SNX30: variants seen among roughly 807,000 people sequenced by gnomAD.
SNX30 encodes sorting nexin-30.
SNX30 carries 24 observed loss-of-function variants against 46.4 expected under a neutral mutation model. The ratio of observed to expected loss-of-function variants is 0.52; its 90% CI spans 0.37 to 0.73. SNX30 has a LOEUF of 0.73. Among genes scored for constraint, SNX30 ranks in the 30% least tolerant of loss-of-function variants. The pLI is 0.00. For missense variants in SNX30, 533 were observed against 555.7 expected (o/e 0.96, Z 0.41); for synonymous variants, 189 against 211.5 (o/e 0.89, Z 0.92).
chr9:112,769,803 A>G (rs1440355177), intron 1 of SNX30, among the ~76,000 whole-genome samples: 1 of 152,074 alleles, frequency 6.6e-6, no homozygotes, highest in Non-Finnish European at 1.5e-5. Flanking sequence ...CCTGTCTCCC[A>G]CTGCCTTCTT....
chr9:112,822,450 T>C (rs928969595), intron 3 of SNX30, among the ~76,000 whole-genome samples: 1 of 152,116 alleles, frequency 6.6e-6, no homozygotes, highest in Non-Finnish European at 1.5e-5. Flanking sequence ...GATAGGCTTG[T>C]ATGTACCCCT....
At chr9:112,765,281 T>C (rs1839518099) in intron 1 of SNX30, among the ~76,000 whole-genome samples, 1 of 152,196 alleles carries the variant, frequency 6.6e-6, no homozygotes, top group Non-Finnish European at 1.5e-5. Context: ...ATGTATGCCT[T>C]TTACAAATTG....
Position 112,838,523 on chromosome 9 carries a change from CG to C in SNX30, c.843del (p.Pro282LeufsTer31). Reference sequence around the variant, plus strand: ...AGTACCTTGTGGAGCTGAGAGAATACGGGCCTGTGTACTCCACATGGAGCGC... The same window carrying C: ...AGTACCTTGTGGAGCTGAGAGAATACGGCCTGTGTACTCCACATGGAGCGC... Reference protein sequence around the residue: ...IEYLVELREYGPVYSTWSALE... With the variant: ...IEYLVELREYXPVYSTWSALE... On this transcript the variant is annotated frameshift_variant, in exon 6 of 9. Coordinates refer to ENST00000374232, the MANE Select transcript of SNX30 (RefSeq NM_001012994.2). LOFTEE classifies it high-confidence loss of function. 1 of 1,612,954 alleles carries C rather than the reference CG, an allele frequency of 6.2e-7. No individual in the cohort carries two copies. The highest frequency in any genetic ancestry group is 8.5e-7 in the Non-Finnish European group (1 of 1,179,364).
intron 1 of SNX30, among the ~76,000 whole-genome samples, chr9:112,783,276 T>C (rs1564267506): frequency 6.6e-6 from 1 of 152,208 alleles, no homozygotes; most frequent in Non-Finnish European, 1.5e-5. Flanking sequence ...CTCTGCTTCT[T>C]ATTAGCTGAG....
intron 1 of SNX30, among the ~76,000 whole-genome samples, chr9:112,774,844 C>CCTTTTTTT (rs1839713736): frequency 7.8e-6 from 1 of 128,802 alleles, no homozygotes. Flanking sequence ...TATTTATATG[C>CCTTTTTTT]TTTTTTTTTT....
chr9:112,784,760 C>T (rs1304161215), intron 1 of SNX30, among the ~76,000 whole-genome samples: 3 of 152,208 alleles, frequency 2.0e-5, no homozygotes, highest in African/African-American at 7.2e-5. Context: ...AGAATCTAAA[C>T]CCGGGTCTCT....
intron 8 of SNX30, among the ~76,000 whole-genome samples, chr9:112,866,276 G>T (rs2131511250): frequency 1.3e-5 from 2 of 152,234 alleles, no homozygotes; most frequent in South Asian, 4.1e-4. Context: ...GCAGACTAAG[G>T]GTGGGAGGGG....
At chr9:112,762,201 G>T (rs1320459139) in intron 1 of SNX30, among the ~76,000 whole-genome samples, 1 of 152,122 alleles carries the variant, frequency 6.6e-6, no homozygotes, top group Non-Finnish European at 1.5e-5. Flanking sequence ...GCAGGGATCA[G>T]GAATTGTTGT....
chr9:112,796,359 T>C (rs2131394975), intron 1 of SNX30, among the ~76,000 whole-genome samples: 1 of 152,350 alleles, frequency 6.6e-6, no homozygotes, highest in African/African-American at 2.4e-5. Flanking sequence ...AACCAAGACA[T>C]GATGTTTATC....
At chr9:112,845,183 A>G (rs1198441374) in intron 6 of SNX30, among the ~76,000 whole-genome samples, 1 of 152,202 alleles carries the variant, frequency 6.6e-6, no homozygotes, top group African/African-American at 2.4e-5. Context: ...ATGACACTAA[A>G]ACGATTTTGA....
intron 6 of SNX30, among the ~76,000 whole-genome samples, chr9:112,849,848 A>C (rs906991628): frequency 3.3e-5 from 5 of 152,234 alleles, no homozygotes; most frequent in African/African-American, 1.2e-4. Context: ...AGAAACTTTC[A>C]TAGCAATTTA....
intron 2 of SNX30, among the ~76,000 whole-genome samples, chr9:112,810,968 C>T (rs147646403): frequency 1.4e-4 from 21 of 152,218 alleles, no homozygotes; most frequent in African/African-American, 4.6e-4. Flanking sequence ...TTGTGGAATG[C>T]GAGCAGCTCA....
rs774039332 is a variant in SNX30, at chr9:112,868,933, G to T, written c.*90G>T. The T allele has an allele frequency of 1.5e-4, 192 of 1,273,852 alleles. No individual in the cohort carries two copies. The highest frequency in any genetic ancestry group is 2.0e-4 in the Non-Finnish European group (173 of 873,608). 78.9% of individuals were successfully genotyped at this position (1,273,852 alleles called of 1,614,324 possible). On this transcript the variant is annotated 3_prime_UTR_variant, in exon 9 of 9. Transcript: ENST00000374232. ...CCTGCAGTGCCAGAGACGCAGTGCT[G>T]GGAAAACAACCACAGAAACATCTCT... is the stretch of plus-strand genomic sequence containing the variant.
chr9:112,759,922 T>G (rs1839410446), intron 1 of SNX30, among the ~76,000 whole-genome samples: 1 of 152,004 alleles, frequency 6.6e-6, no homozygotes, highest in African/African-American at 2.4e-5. Flanking sequence ...CGTAGAGTAG[T>G]GGGTGATGTA....
At chr9:112,776,222 G>A (rs908858744) in intron 1 of SNX30, among the ~76,000 whole-genome samples, 1 of 151,964 alleles carries the variant, frequency 6.6e-6, no homozygotes, top group Non-Finnish European at 1.5e-5. Context: ...CTGAGTTTTG[G>A]TCTGTCCTTT....
chr9:112,848,442 C>T (rs1165453647), intron 6 of SNX30, among the ~76,000 whole-genome samples: 1 of 152,130 alleles, frequency 6.6e-6, no homozygotes, highest in Non-Finnish European at 1.5e-5. Context: ...CAACCTTCAG[C>T]GTGGTTGGAT....
At position 112,773,450 on chromosome 9, in the gene SNX30, C is replaced by T. The variant is rs372462618; in HGVS notation, c.156+22293C>T. Among the ~76,000 whole-genome samples, 121 of 151,700 alleles carry T rather than the reference C, an allele frequency of 8.0e-4. 2 individuals carry two copies. In the South Asian group the frequency reaches 0.017, roughly 21 times the overall value. Reference sequence around the variant, plus strand: ...TGTCATTCAAGCTGGAGTGCAGTGGCGTGATTGTGGCTCACTGCAGCTTTG... The same window carrying T: ...TGTCATTCAAGCTGGAGTGCAGTGGTGTGATTGTGGCTCACTGCAGCTTTG... On this transcript the variant is annotated intron_variant, in intron 1 of 8. Coordinates refer to ENST00000374232, the MANE Select transcript of SNX30 (RefSeq NM_001012994.2).
chr9:112,848,389 G>T (rs1840971967), intron 6 of SNX30, among the ~76,000 whole-genome samples: 1 of 152,134 alleles, frequency 6.6e-6, no homozygotes, highest in Non-Finnish European at 1.5e-5. Flanking sequence ...CCCAATGAGG[G>T]TGGTGGTAGT....
intron 1 of SNX30, among the ~76,000 whole-genome samples, chr9:112,758,102 G>A (rs1839379331): frequency 6.6e-6 from 1 of 152,070 alleles, no homozygotes; most frequent in South Asian, 2.1e-4. Flanking sequence ...CACCAGAAAG[G>A]AACTTCCCTT....
Sources: allele counts gnomAD v4.1 joint callset (sites outside exome capture counted in the v4.1 genomes callset), GRCh38; gene constraint gnomAD v4.1.1; transcripts MANE v1.5; gene names NCBI Gene and HGNC (gene_info 2026-07-23, HGNC 2026-07-21).